The following CHL1 variants were observed in gnomAD, a reference collection of about 807,000 sequenced individuals.
CHL1 encodes the protein cell adhesion molecule L1 like, also known as neural cell adhesion molecule L1-like protein.
A neutral mutation model predicts 141.9 loss-of-function variants in CHL1; 96 were observed. That is an observed-to-expected ratio of 0.68 (90% confidence interval 0.57 to 0.80). CHL1 has a LOEUF of 0.80. CHL1 is among the 30% of genes least tolerant of loss of function. CHL1 has a pLI of 0.00. For synonymous variants in CHL1, 613 were observed against 502.2 expected, an observed-to-expected ratio of 1.22 and a Z score of -2.95; for missense variants, 1,820 against 1,457.2, an observed-to-expected ratio of 1.25 and a Z score of -4.05.
chr3:266,073 A>T (rs1307584824), intron 2 of CHL1, among the ~76,000 whole-genome samples: 1 of 152,200 alleles, frequency 6.6e-6, no homozygotes, highest in Non-Finnish European at 1.5e-5. Context: ...TGAGGTTAGT[A>T]GCATGGCCAA....
rs1703037403 is a variant in CHL1, at chr3:349,281, G to A, written c.849-78G>A. ...ACATGTGTAAAAGCACCCTGATAAA[G>A]GATGTGTCCTAAGGTTTTCTTTGTA... On this transcript the variant is annotated intron_variant, in intron 9 of 27. Coordinates refer to ENST00000256509, the MANE Select transcript of CHL1 (RefSeq NM_006614.4). The A allele has an allele frequency of 3.2e-6, 4 of 1,242,668 alleles. No individual in the cohort carries two copies. In the South Asian group the frequency reaches 4.0e-5, roughly 13 times the overall value. 77.0% of individuals were successfully genotyped at this position (1,242,668 alleles called of 1,614,324 possible). A position where few individuals can be genotyped will look rare whatever the true frequency, so the allele number is the denominator to read the frequency against.
At chr3:381,063 T>G (rs774066268) in intron 16 of CHL1, among the ~76,000 whole-genome samples, 1 of 152,174 alleles carries the variant, frequency 6.6e-6, no homozygotes, top group Non-Finnish European at 1.5e-5. Flanking sequence ...AAATGCAGAT[T>G]CCTGGGCCCA....
At chr3:356,105 A>G (rs904922941) in intron 11 of CHL1, among the ~76,000 whole-genome samples, 1 of 152,178 alleles carries the variant, frequency 6.6e-6, no homozygotes, top group South Asian at 2.1e-4. Flanking sequence ...CTTAGTCCTC[A>G]TTATTAACTA....
chr3:397,711 C>A (rs546872326), intron 24 of CHL1, among the ~76,000 whole-genome samples: 1 of 152,148 alleles, frequency 6.6e-6, no homozygotes, highest in Admixed American at 6.5e-5. Context: ...TGGTATGTAC[C>A]TGCAAGCCTG....
chr3:338,828 G>C (rs1299779638), intron 5 of CHL1, among the ~76,000 whole-genome samples: 2 of 152,170 alleles, frequency 1.3e-5, no homozygotes, highest in Non-Finnish European at 2.9e-5. Flanking sequence ...AATTAGAATT[G>C]TATAATCTAG....
intron 2 of CHL1, among the ~76,000 whole-genome samples, chr3:270,426 A>C (rs906535823): frequency 6.6e-6 from 1 of 152,096 alleles, no homozygotes; most frequent in African/African-American, 2.4e-5. Context: ...TGAAAGGGAG[A>C]CTACAGAGAC....
chr3:398,455 G>A (rs919128880), intron 25 of CHL1, 70 bp downstream of exon 25: 2 of 937,402 alleles, frequency 2.1e-6, no homozygotes, highest in Non-Finnish European at 3.3e-6. Flanking sequence ...AGTGTTGCCT[G>A]TGTCCTATAT....
At chr3:242,172 T>G (rs1244223076) in intron 1 of CHL1, among the ~76,000 whole-genome samples, 2 of 151,964 alleles carry the variant, frequency 1.3e-5, no homozygotes, top group East Asian at 3.9e-4. Context: ...CATAAGTACA[T>G]GTGTGTGTAT....
chr3:385,664 C>G (rs1410623520), intron 19 of CHL1: 1 of 151,856 alleles, frequency 6.6e-6, no homozygotes, highest in African/African-American at 2.4e-5. Flanking sequence ...TGCATCTCTA[C>G]TAAAAATATA....
In CHL1 at chr3:277,093, A is replaced by G. The variant is rs551328604; in HGVS notation, c.-95+32401A>G. On this transcript the variant is annotated intron_variant, in intron 2 of 27. Coordinates refer to ENST00000256509, the MANE Select transcript of CHL1 (RefSeq NM_006614.4). ...TAAGATTAAATGAATTACTGATAAA[A>G]TACTTAGAACAGTGCCTGATACACA... Among the ~76,000 whole-genome samples the G allele has an allele frequency of 3.3e-5, 5 of 152,244 alleles. No homozygotes were observed. The East Asian group carries it at 9.6e-4, about 29-fold the overall frequency.
intron 2 of CHL1, among the ~76,000 whole-genome samples, chr3:297,015 A>C (rs1698248761): frequency 6.6e-6 from 1 of 152,134 alleles, no homozygotes; most frequent in Non-Finnish European, 1.5e-5. Context: ...TAGGAGAGGT[A>C]CAAAGGAAAG....
At chr3:353,089 G>C (rs897527605) in intron 10 of CHL1, among the ~76,000 whole-genome samples, 1 of 152,118 alleles carries the variant, frequency 6.6e-6, no homozygotes, top group Non-Finnish European at 1.5e-5. Context: ...GAAAGGATTG[G>C]ATGACGTGAT....
intron 2 of CHL1, among the ~76,000 whole-genome samples, chr3:264,643 G>A (rs1046152109): frequency 6.6e-6 from 1 of 152,050 alleles, no homozygotes; most frequent in African/African-American, 2.4e-5. Context: ...GAAATATTTC[G>A]GAAGCTAGAA....
chr3:359,013 T>C (rs948588271), intron 11 of CHL1, among the ~76,000 whole-genome samples: 1 of 147,754 alleles, frequency 6.8e-6, no homozygotes, highest in Non-Finnish European at 1.5e-5. Flanking sequence ...ATATATAATA[T>C]AATAATATAT....
intron 1 of CHL1, among the ~76,000 whole-genome samples, chr3:241,769 T>C (rs998915334): frequency 2.0e-5 from 3 of 152,160 alleles, no homozygotes; most frequent in South Asian, 4.1e-4. Flanking sequence ...AATATTCCTC[T>C]CCATTCTTGT....
intron 2 of CHL1, among the ~76,000 whole-genome samples, chr3:306,631 C>G (rs1575018082): frequency 6.6e-6 from 1 of 151,796 alleles, no homozygotes; most frequent in African/African-American, 2.4e-5. Context: ...CATTTTTCAA[C>G]CAGTAAATTG....
rs148478855 is a variant in CHL1, at chr3:215,610, G to A, written c.-175+18547G>A. Among the ~76,000 whole-genome samples the A allele has an allele frequency of 2.0e-5, 3 of 152,270 alleles. No homozygotes were observed. In the East Asian group the frequency reaches 5.8e-4, roughly 29 times the overall value. On this transcript the variant is annotated intron_variant, in intron 1 of 27. Coordinates refer to ENST00000256509, the MANE Select transcript of CHL1 (RefSeq NM_006614.4). ...AGGAGACGGATATGCGAAAGCCAAT[G>A]TACACATGTATCCAATCATTATGAT...
rs764903157 is a variant in CHL1, at chr3:394,682, TA to T, written c.2915-10del. ...ATACATTTGAGCTGTTGTTCATGTT[TA>T]TTTTTTTAGTAAATGACACCTACGA... On this transcript the variant is annotated splice_polypyrimidine_tract_variant and intron_variant, in intron 23 of 27. Transcript: ENST00000256509. 3.2e-5 allele frequency: 51 copies of T among 1,590,346 alleles called. No individual in the cohort carries two copies. In the African/African-American group the frequency reaches 3.4e-4, roughly 11 times the overall value.
At chr3:393,227 C>T (rs1202543526) in intron 23 of CHL1, among the ~76,000 whole-genome samples, 2 of 8,380 alleles carry the variant, frequency 2.4e-4, no homozygotes, top group Non-Finnish European at 0.011. Context: ...AGCCAGACTC[C>T]GTCTCAAAAA....
Sources: gnomAD v4.1 joint callset for allele counts (sites outside exome capture counted in the v4.1 genomes callset) on GRCh38, gnomAD v4.1.1 for gene constraint, MANE v1.5 for transcripts, NCBI Gene and HGNC (gene_info 2026-07-23, HGNC 2026-07-21) for gene names.